RNLS: variants seen among roughly 807,000 people sequenced by gnomAD.
The protein encoded by RNLS is renalase, FAD dependent amine oxidase, also known as renalase.
Under a neutral mutation model 39.8 loss-of-function variants are expected in RNLS, and 39 were observed. The ratio of observed to expected loss-of-function variants is 0.98; its 90% CI spans 0.76 to 1.28. The LOEUF is 1.28. RNLS is among the 50% of genes most tolerant of loss of function. The pLI is 0.00. For synonymous variants in RNLS, 147 were observed against 150.7 expected, an observed-to-expected ratio of 0.98 and a Z score of 0.18; for missense variants, 410 against 413.3, an observed-to-expected ratio of 0.99 and a Z score of 0.07.
At chr10:88,272,699 C>G (rs772267431), downstream of RNLS, among the ~76,000 whole-genome samples, 3 of 152,108 alleles carry the variant, frequency 2.0e-5, no homozygotes, top group Non-Finnish European at 4.4e-5. Flanking sequence ...CAAATGATTC[C>G]ATCCTTCAAC....
chr10:88,248,677 C>T, the RNLS span, among the ~76,000 whole-genome samples: 6 of 152,044 alleles, frequency 3.9e-5, no homozygotes, highest in Admixed American at 6.5e-5. Flanking sequence ...GGGGTCAGCC[C>T]CTTTGGTTTC....
At chr10:88,540,526 T>C (rs770465787) in intron 4 of RNLS, among the ~76,000 whole-genome samples, 8 of 152,102 alleles carry the variant, frequency 5.3e-5, no homozygotes, top group Non-Finnish European at 8.8e-5. Flanking sequence ...AAGTGCAAAA[T>C]AGTTCTGGAA....
At chr10:88,506,240 A>C (rs898141007) in intron 4 of RNLS, among the ~76,000 whole-genome samples, 7 of 152,150 alleles carry the variant, frequency 4.6e-5, no homozygotes, top group Non-Finnish European at 1.0e-4. Flanking sequence ...TTTAGATTAA[A>C]CTAAAAAGAC....
intron 4 of RNLS, among the ~76,000 whole-genome samples, chr10:88,439,540 T>C (rs1488081430): frequency 6.6e-6 from 1 of 152,168 alleles, no homozygotes; most frequent in African/African-American, 2.4e-5. Context: ...AATATATAAG[T>C]ATGATTAGGG....
chr10:88,553,920 A>G (rs1171066978), intron 4 of RNLS, among the ~76,000 whole-genome samples: 3 of 152,198 alleles, frequency 2.0e-5, no homozygotes, highest in East Asian at 3.8e-4. Context: ...ATCCTAAGAA[A>G]ATATTTATTG....
At chr10:88,343,441 G>T in intron 5 of RNLS, 2 of 733,206 alleles carry the variant, frequency 2.7e-6, no homozygotes, top group Non-Finnish European at 3.3e-6. Context: ...GATGGGGGAG[G>T]AAAAAGTTCA....
chr10:88,249,928 G>T, the RNLS span, among the ~76,000 whole-genome samples: 3 of 152,130 alleles, frequency 2.0e-5, no homozygotes, highest in Non-Finnish European at 4.4e-5. Context: ...AAAATTTCTG[G>T]GGTCATGTTT....
intron 5 of RNLS, among the ~76,000 whole-genome samples, chr10:88,360,459 G>C (rs908287254): frequency 6.6e-6 from 1 of 152,084 alleles, no homozygotes; most frequent in Non-Finnish European, 1.5e-5. Flanking sequence ...TTTTGAGATG[G>C]AGTCTTGCAC....
At chr10:88,408,500 C>T (rs1853434424) in intron 4 of RNLS, among the ~76,000 whole-genome samples, 2 of 151,988 alleles carry the variant, frequency 1.3e-5, no homozygotes, top group South Asian at 4.2e-4. Context: ...ATGAGGACAC[C>T]CCAAGAGAGA....
chr10:88,496,920 C>G (rs1377741918), intron 4 of RNLS, among the ~76,000 whole-genome samples: 1 of 151,902 alleles, frequency 6.6e-6, no homozygotes, highest in Non-Finnish European at 1.5e-5. Context: ...GTAGGGCATT[C>G]TAAAAGGGAG....
chr10:88,210,092 C>G, the RNLS span, among the ~76,000 whole-genome samples: 1 of 152,236 alleles, frequency 6.6e-6, no homozygotes, highest in Admixed American at 6.5e-5. Flanking sequence ...CAGAACAGCT[C>G]TCTTGAATAG....
chr10:88,542,422 G>C, intron 4 of RNLS, among the ~76,000 whole-genome samples: 1 of 152,230 alleles, frequency 6.6e-6, no homozygotes, highest in South Asian at 2.1e-4. Flanking sequence ...AAAAGACAAC[G>C]TGTACATCTT....
intron 5 of RNLS, among the ~76,000 whole-genome samples, chr10:88,356,924 G>C (rs546936913): frequency 6.6e-6 from 1 of 152,300 alleles, no homozygotes; most frequent in East Asian, 1.9e-4. Context: ...ACACTCCTCA[G>C]ATGGTGACAA....
At chr10:88,274,917 A>T in exon 7 of RNLS, 2 of 1,508,868 alleles carry the variant, frequency 1.3e-6, no homozygotes, top group South Asian at 2.3e-5. Context: ...CCTTAAAAAA[A>T]AAAATCAAAT....
the RNLS span, among the ~76,000 whole-genome samples, chr10:88,225,218 C>T: frequency 6.6e-6 from 1 of 152,130 alleles, no homozygotes; most frequent in African/African-American, 2.4e-5. Context: ...CATACAGCTG[C>T]CAAAAGACAA....
chr10:88,538,194 G>A (rs1847866206), intron 4 of RNLS, among the ~76,000 whole-genome samples: 1 of 152,144 alleles, frequency 6.6e-6, no homozygotes. Context: ...TTTCTTTGGA[G>A]ATTAACCTGT....
intron 4 of RNLS, among the ~76,000 whole-genome samples, chr10:88,426,315 A>AAC (rs1226951449): frequency 2.6e-5 from 4 of 152,116 alleles, no homozygotes; most frequent in African/African-American, 9.7e-5. Flanking sequence ...AATAGTGGGA[A>AAC]ACACAGAATA....
Position 88,355,090 on chromosome 10 carries a change from T to A in RNLS, c.700+7462A>T, listed in dbSNP as rs113124650. Among the ~76,000 whole-genome samples, 29 of 152,294 alleles carry A rather than the reference T, an allele frequency of 1.9e-4. 1 individual carries two copies. The highest frequency in any genetic ancestry group is 7.0e-4 in the African/African-American group (29 of 41,564). On this transcript the variant is annotated intron_variant, in intron 5 of 6. Coordinates refer to ENST00000331772, the MANE Select transcript of RNLS (RefSeq NM_001031709.3). ...CAGGTCCTTTAAGGACTTCTCTGCA[T>A]TGGTTATTCTAGTTAGCCATTTGTC...
chr10:88,530,138 T>C (rs1847330802), intron 4 of RNLS, among the ~76,000 whole-genome samples: 1 of 152,190 alleles, frequency 6.6e-6, no homozygotes, highest in South Asian at 2.1e-4. Flanking sequence ...CCAAGGCCTT[T>C]AAGGCAAGTG....
Sources: gnomAD v4.1 joint callset for allele counts (sites outside exome capture counted in the v4.1 genomes callset) on GRCh38, gnomAD v4.1.1 for gene constraint, MANE v1.5 for transcripts, NCBI Gene and HGNC (gene_info 2026-07-23, HGNC 2026-07-21) for gene names.